ZNF215: variants seen among roughly 807,000 people sequenced by gnomAD.
The protein encoded by ZNF215 is BWSCR2-associated zinc finger protein 2.
ZNF215 carries 24 observed loss-of-function variants against 27.2 expected under a neutral mutation model. That is an observed-to-expected ratio of 0.88 (90% confidence interval 0.64 to 1.24). The LOEUF is 1.24. Among genes scored for constraint, ZNF215 ranks in the 50% most tolerant of loss-of-function variants. The probability of loss-of-function intolerance (pLI) is 0.00; values close to 1 mark genes in which losing one functional copy is unlikely to be tolerated. For synonymous variants in ZNF215, 210 were observed against 204.0 expected, an observed-to-expected ratio of 1.03 and a Z score of -0.25; for missense variants, 675 against 605.7, an observed-to-expected ratio of 1.11 and a Z score of -1.20.
chr11:6,935,688 G>T (rs1849411535), intron 3 of ZNF215, among the ~76,000 whole-genome samples: 1 of 152,070 alleles, frequency 6.6e-6, no homozygotes, highest in Non-Finnish European at 1.5e-5. Context: ...GAAGACTTGA[G>T]AAACACCATA....
In ZNF215 at chr11:6,957,011, C is replaced by G; in HGVS notation, c.*480C>G. The G allele has an allele frequency of 2.0e-6, 2 of 987,106 alleles. No individual in the cohort carries two copies. Among genetic ancestry groups the G allele is most frequent in the Non-Finnish European group, 2.4e-6 (2 of 831,070 alleles). The allele number at this position is 987,106 out of a possible 1,614,324, so 61.1% of individuals were successfully genotyped here. On this transcript the variant is annotated 3_prime_UTR_variant, in exon 7 of 7. Coordinates refer to ENST00000278319, the MANE Select transcript of ZNF215 (RefSeq NM_013250.4). Reference sequence around the variant, plus strand: ...CTTCTAAGGACAGAAATCTCTGAATCAATGGCTAAGACAACAGTAACAGCC... The same window carrying G: ...CTTCTAAGGACAGAAATCTCTGAATGAATGGCTAAGACAACAGTAACAGCC...
At chr11:6,951,039 T>G (rs1850034745) in intron 6 of ZNF215, among the ~76,000 whole-genome samples, 2 of 152,160 alleles carry the variant, frequency 1.3e-5, no homozygotes, top group Non-Finnish European at 2.9e-5. Context: ...TTACATTTAT[T>G]GATTTGCGTA....
At chr11:6,954,003 CA>C (rs1449771786) in intron 6 of ZNF215, among the ~76,000 whole-genome samples, 1 of 152,206 alleles carries the variant, frequency 6.6e-6, no homozygotes, top group Non-Finnish European at 1.5e-5. Context: ...AGGTCCACTC[CA>C]GACCCTGTTT....
At chr11:6,985,746 T>C (rs1186894687), downstream of ZNF215, among the ~76,000 whole-genome samples, 1 of 152,000 alleles carries the variant, frequency 6.6e-6, no homozygotes, top group Non-Finnish European at 1.5e-5. Context: ...CCAATAACAT[T>C]TAAGCTGAGA....
intron 4 of ZNF215, 151 bp downstream of exon 4, chr11:6,941,804 G>A (rs923091540): frequency 7.0e-6 from 5 of 710,830 alleles, no homozygotes; most frequent in Non-Finnish European, 1.2e-5. Flanking sequence ...ACCTATTTTA[G>A]TTGGTGATAC....
intron 5 of ZNF215, 69 bp from the exon 6 acceptor site, chr11:6,943,477 C>T (rs1358322915): frequency 2.1e-6 from 3 of 1,409,080 alleles, no homozygotes; most frequent in Middle Eastern, 2.1e-4. Context: ...GAATTATCTT[C>T]TCTATAAAAA....
downstream of ZNF215, among the ~76,000 whole-genome samples, chr11:6,993,866 G>A (rs1369909276): frequency 6.6e-6 from 1 of 152,202 alleles, no homozygotes; most frequent in Non-Finnish European, 1.5e-5. Flanking sequence ...CAAATTTCAA[G>A]TTGCCCAAGG....
exon 6 of ZNF215, chr11:6,984,521 C>G (rs917194671): frequency 6.5e-6 from 1 of 152,782 alleles, no homozygotes; most frequent in Non-Finnish European, 1.5e-5. Context: ...CATGAAGATA[C>G]TTGTCACAGC....
At chr11:6,954,360 A>T (rs556440539) in intron 6 of ZNF215, among the ~76,000 whole-genome samples, 1 of 152,366 alleles carries the variant, frequency 6.6e-6, no homozygotes, top group South Asian at 2.1e-4. Context: ...CAGAGGCACG[A>T]AGGCCTCCTT....
intron 6 of ZNF215, among the ~76,000 whole-genome samples, chr11:6,952,464 A>T (rs1850113713): frequency 6.6e-6 from 1 of 152,174 alleles, no homozygotes; most frequent in South Asian, 2.1e-4. Context: ...CTTCTTGTTG[A>T]ATTGATCCTT....
intron 5 of ZNF215, among the ~76,000 whole-genome samples, chr11:6,976,462 C>T (rs1360806002): frequency 2.0e-5 from 3 of 151,970 alleles, no homozygotes; most frequent in African/African-American, 4.8e-5. Flanking sequence ...GAAGCGCCTA[C>T]ATTGAGTCCA....
chr11:6,935,552 G>C (rs1475302582), intron 3 of ZNF215, among the ~76,000 whole-genome samples: 3 of 152,090 alleles, frequency 2.0e-5, no homozygotes, highest in African/African-American at 7.2e-5. Flanking sequence ...AACTACAACA[G>C]TTAGAGCCTC....
chr11:6,946,830 C>T (rs1404486974), intron 6 of ZNF215, among the ~76,000 whole-genome samples: 1 of 152,066 alleles, frequency 6.6e-6, no homozygotes, highest in Non-Finnish European at 1.5e-5. Context: ...ACATCTCCAG[C>T]CCGTGGTGCA....
chr11:6,944,139 G>C (rs1202619695), intron 6 of ZNF215, among the ~76,000 whole-genome samples: 5 of 152,252 alleles, frequency 3.3e-5, no homozygotes, highest in Admixed American at 6.5e-5. Context: ...AGCCGGGTGT[G>C]GTGGCGGGCG....
chr11:6,937,689 T>C (rs1849485510), intron 3 of ZNF215, among the ~76,000 whole-genome samples: 1 of 151,904 alleles, frequency 6.6e-6, no homozygotes, highest in Admixed American at 6.6e-5. Context: ...AGTCCAGAAA[T>C]AAACTCATAC....
chr11:6,957,202 T>C lies in ZNF215; in HGVS notation c.*671T>C, dbSNP rs1850394430. Reference sequence around the variant, plus strand: ...AGCAGGTCCTTGAAAAATGTTTTTGTTTTGTTATAATGTTATAATTGTTAT... The same window carrying C: ...AGCAGGTCCTTGAAAAATGTTTTTGCTTTGTTATAATGTTATAATTGTTAT... On this transcript the variant is annotated 3_prime_UTR_variant, in exon 7 of 7. Transcript: ENST00000278319. 1.0e-6 allele frequency: 1 copy of C among 984,506 alleles called. No individual in the cohort carries two copies. Among genetic ancestry groups the C allele is most frequent in the Non-Finnish European group, 1.2e-6 (1 of 829,058 alleles). 61.0% of individuals were successfully genotyped at this position (984,506 alleles called of 1,614,324 possible). A position where few individuals can be genotyped will look rare whatever the true frequency, so the allele number is the denominator to read the frequency against.
intron 6 of ZNF215, among the ~76,000 whole-genome samples, chr11:6,993,998 T>A (rs1851149129): frequency 6.6e-6 from 1 of 152,256 alleles, no homozygotes; most frequent in South Asian, 2.1e-4. Flanking sequence ...GTGCTTTTTG[T>A]TGATTTTTGC....
At chr11:6,954,728 T>C (rs886320747) in intron 6 of ZNF215, among the ~76,000 whole-genome samples, 1 of 152,080 alleles carries the variant, frequency 6.6e-6, no homozygotes, top group African/African-American at 2.4e-5. Context: ...TTGCGCAGGG[T>C]GCACTGCACC....
intron 2 of ZNF215, among the ~76,000 whole-genome samples, chr11:6,931,134 A>T (rs1288065358): frequency 6.6e-6 from 1 of 152,222 alleles, no homozygotes; most frequent in African/African-American, 2.4e-5. Flanking sequence ...TAATCATAAT[A>T]AAAGTGACAC....
Sources: allele counts gnomAD v4.1 joint callset (sites outside exome capture counted in the v4.1 genomes callset), GRCh38; gene constraint gnomAD v4.1.1; transcripts MANE v1.5; gene names NCBI Gene and HGNC (gene_info 2026-07-23, HGNC 2026-07-21).